ANKRD7: variants seen among roughly 807,000 people sequenced by gnomAD.
ANKRD7 encodes ankyrin repeat domain-containing protein 7.
A neutral mutation model predicts 30.8 loss-of-function variants in ANKRD7; 30 were observed. The observed-to-expected ratio is 0.97, with a 90% CI of 0.73 to 1.32. ANKRD7 has a LOEUF of 1.32. ANKRD7 is among the 40% of genes most tolerant of loss of function. The pLI, the probability that ANKRD7 is intolerant of heterozygous loss-of-function variation, is 0.00. For synonymous variants in ANKRD7, 97 were observed against 106.6 expected (o/e 0.91, Z 0.55); for missense variants, 264 against 295.7 (o/e 0.89, Z 0.79).
At chr7:118,235,394 C>T (rs1253344331) in intron 3 of ANKRD7, among the ~76,000 whole-genome samples, 2 of 151,914 alleles carry the variant, frequency 1.3e-5, no homozygotes, top group Non-Finnish European at 2.9e-5. Context: ...GGGTGGATCA[C>T]GAGGTCAGGA....
chr7:118,236,633 A>C (rs1809734767), intron 4 of ANKRD7, among the ~76,000 whole-genome samples, 157 bp from the exon 5 acceptor site: 1 of 152,178 alleles, frequency 6.6e-6, no homozygotes, highest in African/African-American at 2.4e-5. Context: ...TGACTGGCAC[A>C]CTTTTTTGAG....
intron 6 of ANKRD7, among the ~76,000 whole-genome samples, chr7:118,240,877 G>A (rs1316319880): frequency 3.3e-5 from 5 of 151,838 alleles, no homozygotes; most frequent in East Asian, 3.9e-4. Flanking sequence ...GTTATTGGCC[G>A]GGCGCGGTGG....
chr7:118,234,409 G>A, intron 1 of ANKRD7, 22 bp from the exon 2 acceptor site: 1 of 1,492,800 alleles, frequency 6.7e-7, no homozygotes, highest in Non-Finnish European at 9.1e-7. Context: ...CTCTAACTTT[G>A]TGTTTTGTTT....
At chr7:118,236,442 T>C (rs1364360418) in intron 4 of ANKRD7, among the ~76,000 whole-genome samples, 1 of 152,148 alleles carries the variant, frequency 6.6e-6, no homozygotes, top group African/African-American at 2.4e-5. Flanking sequence ...GACTCTTACA[T>C]AGATGACCAA....
In ANKRD7 at chr7:118,228,398, G is replaced by A. The variant is rs6946090; in HGVS notation, c.179+3389G>A. Among the ~76,000 whole-genome samples the A allele has an allele frequency of 5.8e-3, 879 of 152,240 alleles. 10 individuals are homozygous for A. The highest frequency in any genetic ancestry group is 0.02 in the African/African-American group (834 of 41,530). On this transcript the variant is annotated intron_variant, in intron 1 of 6. Transcript: ENST00000265224. ...TGTGCTAATACATGTTTAATAACAG[G>A]CCCTTAATGGGTAGGGGAGGGAAAG...
At chr7:118,240,235 A>G (rs1161843048) in intron 6 of ANKRD7, among the ~76,000 whole-genome samples, 1 of 152,136 alleles carries the variant, frequency 6.6e-6, no homozygotes, top group Non-Finnish European at 1.5e-5. Flanking sequence ...ATATGTATAC[A>G]TGTGCCATGC....
intron 1 of ANKRD7, among the ~76,000 whole-genome samples, chr7:118,231,191 C>CT (rs1350493483): frequency 6.6e-6 from 1 of 152,046 alleles, no homozygotes; most frequent in Admixed American, 6.6e-5. Context: ...CTGCAAAGCT[C>CT]TGTTGCAGGC....
chr7:118,238,518 A>G (rs1047220185), intron 5 of ANKRD7, among the ~76,000 whole-genome samples: 1 of 152,192 alleles, frequency 6.6e-6, no homozygotes, highest in Non-Finnish European at 1.5e-5. Context: ...GCTGTTGCCT[A>G]TGTAACGTAC....
Position 118,236,875 on chromosome 7 carries a change from G to A in ANKRD7, c.661G>A (p.Gly221Ser). ...GCAAGGTGTGGAATTATGTTACGAA[G>A]GTATTGTGGATTCACAGCTGAGGAA... The part of the protein sequence containing the change: ...LQQGVELCYE[G>S]IVDSQLRNMF... The change falls in exon 5 of 7, where the codon GGT becomes AGT. Residue 221 changes from glycine to serine, a missense_variant. By Grantham distance (56) the Gly-to-Ser change is moderately conservative. Coordinates refer to ENST00000265224, the MANE Select transcript of ANKRD7 (RefSeq NM_019644.4). 1 of 1,613,968 alleles carries A rather than the reference G, an allele frequency of 6.2e-7. No homozygotes were observed. The highest frequency in any genetic ancestry group is 1.7e-5 in the Admixed American group (1 of 60,010).
intron 3 of ANKRD7, 33 bp from the exon 4 acceptor site, chr7:118,236,008 A>G (rs955043573): frequency 1.6e-6 from 2 of 1,223,566 alleles, no homozygotes; most frequent in African/African-American, 3.0e-5. Context: ...AATTTGCTAC[A>G]ATATTTTAAT....
chr7:118,234,530 A>G lies in ANKRD7; in HGVS notation c.279A>G (p.Lys93=), dbSNP rs1235123818. Residue 93 remains lysine, a synonymous_variant, in exon 2 of 7, where the codon AAA becomes AAG. Transcript: ENST00000265224. ...TAAATGTCCGGGATAGTGAAAACAAATCCCCATTGATTAAGGTATGCCATA... is the reference window on the plus strand; with the variant it reads ...TAAATGTCCGGGATAGTGAAAACAAGTCCCCATTGATTAAGGTATGCCATA... ...CKINVRDSEN[K]SPLIKAVQCQ... is the part of the protein sequence containing the mutation. 5.6e-6 allele frequency: 9 copies of G among 1,610,340 alleles called. No homozygotes were observed. Among genetic ancestry groups the G allele is most frequent in the Non-Finnish European group, 7.6e-6 (9 of 1,178,540 alleles).
intron 1 of ANKRD7, among the ~76,000 whole-genome samples, chr7:118,232,717 T>G (rs1809662688): frequency 8.4e-6 from 1 of 118,560 alleles, no homozygotes; most frequent in Non-Finnish European, 1.9e-5. Flanking sequence ...AAGAGCAGTG[T>G]GTTTGTGTGT....
intron 1 of ANKRD7, 81 bp from the exon 2 acceptor site, chr7:118,234,350 T>C: frequency 1.3e-6 from 1 of 787,492 alleles, no homozygotes; most frequent in East Asian, 2.6e-5. Context: ...CAATGTACAA[T>C]CTGGCTTGTT....
intron 1 of ANKRD7, chr7:118,227,906 CTTTT>C: frequency 2.4e-6 from 3 of 1,242,758 alleles, no homozygotes; most frequent in Non-Finnish European, 2.1e-6. Context: ...AGTATTATGT[CTTTT>C]TTTTTTTTTT....
rs1584728964 is a variant in ANKRD7, at chr7:118,242,732, A to G, written c.*421A>G. 6.6e-6 allele frequency: 1 copy of G among 152,136 alleles called. No homozygotes were observed. The highest frequency in any genetic ancestry group is 1.9e-4 in the East Asian group (1 of 5,198). The allele number at this position is 152,136 out of a possible 1,614,324, so 9.4% of individuals were successfully genotyped here. A position where few individuals can be genotyped will look rare whatever the true frequency, so the allele number is the denominator to read the frequency against. The stretch of plus-strand genomic sequence containing the variant: ...TATAAATAATCCTGTATAAATCAAA[A>G]TTATGTTTTATTTACAAGTATTTTC... On this transcript the variant is annotated 3_prime_UTR_variant, in exon 7 of 7. Transcript: ENST00000265224.
At chr7:118,225,167 A>G (rs986325746) in intron 1 of ANKRD7, among the ~76,000 whole-genome samples, 158 bp downstream of exon 1, 2 of 151,728 alleles carry the variant, frequency 1.3e-5, no homozygotes, top group African/African-American at 4.9e-5. Flanking sequence ...TCCCACTCCA[A>G]CTTTCGGCTT....
intron 4 of ANKRD7, 60 bp downstream of exon 4, chr7:118,236,207 C>CGTTTGTGTGT: frequency 1.7e-6 from 1 of 595,870 alleles, no homozygotes. Context: ...TGTGTGTGTG[C>CGTTTGTGTGT]GTATGTGTGT....
chr7:118,233,268 A>G (rs911825468), intron 1 of ANKRD7, among the ~76,000 whole-genome samples: 1 of 152,120 alleles, frequency 6.6e-6, no homozygotes, highest in Non-Finnish European at 1.5e-5. Context: ...AATTATGGAT[A>G]ACTTCTGGTT....
At position 118,241,731 on chromosome 7, in the gene ANKRD7, G is replaced by A. The variant is rs537524140; in HGVS notation, c.*38-618G>A. 4.0e-5 allele frequency among the ~76,000 whole-genome samples: 6 copies of A among 151,730 alleles called. No individual in the cohort carries two copies. In the East Asian group the frequency reaches 1.2e-3, roughly 29 times the overall value. ...TTTTTGTATTTTTAGTAGAGATGGG[G>A]TTTCACCATGTTTGCCAGGCTGGTC... is the stretch of plus-strand genomic sequence containing the variant. On this transcript the variant is annotated intron_variant, in intron 6 of 6. Coordinates refer to ENST00000265224, the MANE Select transcript of ANKRD7 (RefSeq NM_019644.4).
Sources: allele counts gnomAD v4.1 joint callset (sites outside exome capture counted in the v4.1 genomes callset), GRCh38; gene constraint gnomAD v4.1.1; transcripts MANE v1.5; gene names NCBI Gene and HGNC (gene_info 2026-07-23, HGNC 2026-07-21).